ANKHD1: variants seen among roughly 807,000 people sequenced by gnomAD.
The protein encoded by ANKHD1 is ankyrin repeat and KH domain-containing protein 1.
Under a neutral mutation model 230.5 loss-of-function variants are expected in ANKHD1, and 31 were observed. The ratio of observed to expected loss-of-function variants is 0.13; its 90% CI spans 0.10 to 0.18. The LOEUF is 0.18. Among genes scored for constraint, ANKHD1 ranks in the 10% least tolerant of loss-of-function variants. ANKHD1 has a pLI of 1.00. For synonymous variants in ANKHD1, 1,074 were observed against 1,117.6 expected (o/e 0.96, Z 0.78); for missense variants, 2,256 against 3,071.3 (o/e 0.73, Z 6.27).
chr5:140,460,380 G>T (rs1775617527), intron 9 of ANKHD1, among the ~76,000 whole-genome samples: 1 of 151,822 alleles, frequency 6.6e-6, no homozygotes, highest in South Asian at 2.1e-4. Flanking sequence ...ATATAGAAAA[G>T]TTAATATGTA....
intron 24 of ANKHD1, among the ~76,000 whole-genome samples, chr5:140,522,601 TTTTTC>T (rs1172518641): frequency 1.3e-5 from 2 of 152,242 alleles, no homozygotes; most frequent in African/African-American, 4.8e-5. Flanking sequence ...ATCATGATGT[TTTTTC>T]TTTTAATAAT....
rs1439177178 is a variant in ANKHD1, at chr5:140,478,265, C to G, written c.1783-4315C>G. ...TAGAAAATAATTTTAAAAAGAGATACAAAAAATATAGGGATGAAGAGTGAA... is the reference window on the plus strand; with the variant it reads ...TAGAAAATAATTTTAAAAAGAGATAGAAAAAATATAGGGATGAAGAGTGAA... On this transcript the variant is annotated intron_variant, in intron 10 of 33. Transcript: ENST00000360839. 3.4e-5 allele frequency among the ~76,000 whole-genome samples: 5 copies of G among 148,446 alleles called. No individual in the cohort carries two copies. The East Asian group carries it at 9.9e-4, about 29-fold the overall frequency.
At position 140,496,899 on chromosome 5, in the gene ANKHD1, T is replaced by C. The variant is rs142073548; in HGVS notation, c.2625T>C (p.His875=). ...DTVSLHQQCS[H]RGVFPEGEGD... ...TGTCTCTACACCAACAGTGCTCTCA[T>C]AGAGGAGTCTTCCCAGAAGGGGAAG... Residue 875 remains histidine, a synonymous_variant, in exon 15 of 34, where the codon CAT becomes CAC. Transcript: ENST00000360839. 7.3e-5 allele frequency: 118 copies of C among 1,614,134 alleles called. No individual in the cohort carries two copies. In the African/African-American group the frequency reaches 1.3e-3, roughly 18 times the overall value.
At position 140,496,814 on chromosome 5, in the gene ANKHD1, T is replaced by A; in HGVS notation, c.2540T>A (p.Met847Lys). Residue 847 changes from methionine to lysine, a missense_variant, in exon 15 of 34, where the codon ATG becomes AAG. This residue lies in a region of ANKHD1 where 358 missense variants were observed against 397.7 expected (regional missense o/e 0.90). Coordinates refer to ENST00000360839, the MANE Select transcript of ANKHD1 (RefSeq NM_017747.3). ...CAGAAAGTGGAAAGGCAGTTGCAGA[T>A]GAAAACACAGCAGCAATTTACCAAA... ...ELQKVERQLQMKTQQQFTKEY... is the reference protein window; with the variant it reads ...ELQKVERQLQKKTQQQFTKEY... 6.2e-7 allele frequency: 1 copy of A among 1,614,028 alleles called. No individual in the cohort carries two copies. The highest frequency in any genetic ancestry group is 2.2e-5 in the East Asian group (1 of 44,884).
chr5:140,509,014 T>C lies in ANKHD1; in HGVS notation c.3766-623T>C, dbSNP rs1457644854. ...GACTGGAAATCTCGTACTTCTTCCCTGAAATTCCTTTTACTTCTTAAAGTT... is the reference window on the plus strand; with the variant it reads ...GACTGGAAATCTCGTACTTCTTCCCCGAAATTCCTTTTACTTCTTAAAGTT... On this transcript the variant is annotated intron_variant, in intron 20 of 33. Transcript: ENST00000360839. 5.3e-5 allele frequency among the ~76,000 whole-genome samples: 8 copies of C among 152,318 alleles called. No individual in the cohort carries two copies. The East Asian group carries it at 1.5e-3, about 29-fold the overall frequency.
chr5:140,510,035 G>A lies in ANKHD1; in HGVS notation c.3958G>A (p.Val1320Ile). ...LLIHRGAHID[V>I]RNKKGNTPLW... ...TGTTTACAGGGGAGCCCACATTGAT[G>A]TTCGTAACAAAAAGGGAAATACGCC... The change falls in exon 22 of 34, where the codon GTT becomes ATT. Residue 1320 changes from valine to isoleucine, a missense_variant. Around this residue, in one of 13 missense-constraint regions of ANKHD1, gnomAD observed 195 missense variants for 340.3 expected, o/e 0.57. Coordinates refer to ENST00000360839, the MANE Select transcript of ANKHD1 (RefSeq NM_017747.3). 1 of 1,613,572 alleles carries A rather than the reference G, an allele frequency of 6.2e-7. No individual in the cohort carries two copies. The highest frequency in any genetic ancestry group is 8.5e-7 in the Non-Finnish European group (1 of 1,179,646).
At chr5:140,525,852 A>G (rs1215297628) in intron 25 of ANKHD1, 144 bp from the exon 26 acceptor site, 2 of 950,672 alleles carry the variant, frequency 2.1e-6, no homozygotes, top group South Asian at 2.4e-5. Context: ...AAAAAAAAAG[A>G]TTTCTTTATT....
chr5:140,407,871 C>T (rs1323643485), intron 1 of ANKHD1, among the ~76,000 whole-genome samples: 1 of 151,898 alleles, frequency 6.6e-6, no homozygotes, highest in Non-Finnish European at 1.5e-5. Context: ...TGTGACGGCC[C>T]TCTTTTAAAA....
chr5:140,430,234 G>C (rs1230067746), intron 1 of ANKHD1, among the ~76,000 whole-genome samples: 1 of 152,134 alleles, frequency 6.6e-6, no homozygotes, highest in Non-Finnish European at 1.5e-5. Context: ...TTGATGGGCC[G>C]TATTCCTTTA....
At chr5:140,454,872 C>G (rs1405552507) in intron 7 of ANKHD1, among the ~76,000 whole-genome samples, 5 of 151,980 alleles carry the variant, frequency 3.3e-5, no homozygotes, top group Non-Finnish European at 7.4e-5. Flanking sequence ...CAGAGCAGAA[C>G]TAAAGGAGAT....
At chr5:140,510,767 A>T (rs1561814241) in intron 22 of ANKHD1, among the ~76,000 whole-genome samples, 1 of 152,136 alleles carries the variant, frequency 6.6e-6, no homozygotes, top group Non-Finnish European at 1.5e-5. Context: ...GTGCCTAAAG[A>T]GGAACAAAAA....
chr5:140,453,094 G>A (rs193072786), intron 7 of ANKHD1, among the ~76,000 whole-genome samples: 8 of 152,264 alleles, frequency 5.3e-5, no homozygotes, highest in African/African-American at 1.4e-4. Context: ...TAGCCGATTC[G>A]ATCAACTGGA....
At chr5:140,472,405 G>A in intron 10 of ANKHD1, 1 of 1,471,074 alleles carries the variant, frequency 6.8e-7, no homozygotes, top group Non-Finnish European at 9.0e-7. Context: ...GACCCTGCTG[G>A]GTGACAAAGG....
At position 140,528,217 on chromosome 5, in the gene ANKHD1, A is replaced by G. The variant is rs541311335; in HGVS notation, c.5271A>G (p.Gln1757=). 2.5e-6 allele frequency: 4 copies of G among 1,612,576 alleles called. No individual in the cohort carries two copies. Among genetic ancestry groups the G allele is most frequent in the African/African-American group, 1.3e-5 (1 of 74,578 alleles). The part of the protein sequence containing the change: ...GGTESTRYAV[Q]LINALIQDPA... Reference sequence around the variant, plus strand: ...CAGAATCAACAAGATATGCAGTTCAACTAATCAATGCACTCATTCAAGATC... The same window carrying G: ...CAGAATCAACAAGATATGCAGTTCAGCTAATCAATGCACTCATTCAAGATC... Residue 1757 remains glutamine, a synonymous_variant, in exon 29 of 34, where the codon CAA becomes CAG. Transcript: ENST00000360839.
At chr5:140,430,594 A>G (rs1303560860) in intron 1 of ANKHD1, among the ~76,000 whole-genome samples, 2 of 151,688 alleles carry the variant, frequency 1.3e-5, no homozygotes, top group Non-Finnish European at 2.9e-5. Flanking sequence ...AGTATACAGA[A>G]TGTATACAGA....
intron 24 of ANKHD1, among the ~76,000 whole-genome samples, chr5:140,518,966 T>TA (rs1182890716): frequency 6.6e-6 from 1 of 152,052 alleles, no homozygotes; most frequent in African/African-American, 2.4e-5. Flanking sequence ...AAATAAAGGG[T>TA]ATTCAATTAG....
chr5:140,452,712 A>G (rs1343768485), intron 7 of ANKHD1, among the ~76,000 whole-genome samples: 1 of 152,136 alleles, frequency 6.6e-6, no homozygotes, highest in Admixed American at 6.6e-5. Context: ...CCAAAACCCC[A>G]TCTGTACGTC....
chr5:140,455,964 C>T (rs964310640), intron 7 of ANKHD1, among the ~76,000 whole-genome samples: 1 of 152,052 alleles, frequency 6.6e-6, no homozygotes, highest in Admixed American at 6.6e-5. Context: ...TTTAGAAAAC[C>T]CCATCGTCTC....
At chr5:140,533,904 C>G (rs1753957203) in intron 29 of ANKHD1, among the ~76,000 whole-genome samples, 1 of 151,850 alleles carries the variant, frequency 6.6e-6, no homozygotes, top group Admixed American at 6.6e-5. Flanking sequence ...CTCACTACCT[C>G]TAGGTTTTGC....
Sources: gnomAD v4.1 joint callset for allele counts (sites outside exome capture counted in the v4.1 genomes callset) on GRCh38, gnomAD v4.1.1 for gene constraint, gnomAD v4.1.1 regional missense constraint, MANE v1.5 for transcripts, NCBI Gene and HGNC (gene_info 2026-07-23, HGNC 2026-07-21) for gene names.